The following CD302 variants were observed in gnomAD, a reference collection of about 807,000 sequenced individuals.
CD302 encodes the protein CD302 antigen.
In CD302, 23 loss-of-function variants were observed where a neutral mutation model predicts 26.5. The ratio of observed to expected loss-of-function variants is 0.87; its 90% CI spans 0.62 to 1.23. The LOEUF (loss-of-function observed/expected upper bound fraction) is 1.23, where lower values mean the gene tolerates loss of function less well. CD302 is among the 50% of genes most tolerant of loss of function. The pLI is 0.00. For missense variants in CD302, 290 were observed against 275.5 expected (o/e 1.05, Z -0.37); for synonymous variants, 90 against 99.4 (o/e 0.91, Z 0.56).
rs1469984053 is a variant in CD302, at chr2:159,770,309, TGTGTAACAGCTG to T, written c.*1530_*1541del. On this transcript the variant is annotated 3_prime_UTR_variant, in exon 6 of 6. Coordinates refer to ENST00000259053, the MANE Select transcript of CD302 (RefSeq NM_014880.5). ...AGCTCTTACAGAGCATGCTTGTGCTTGTGTAACAGCTGGTGTAATGCCTGCATTTTCAGTACC... is the reference window on the plus strand; with the variant it reads ...AGCTCTTACAGAGCATGCTTGTGCTTGTGTAATGCCTGCATTTTCAGTACC... 6.6e-6 allele frequency: 1 copy of T among 152,184 alleles called. No homozygotes were observed. Among genetic ancestry groups the T allele is most frequent in the African/African-American group, 2.4e-5 (1 of 41,454 alleles). The allele number at this position is 152,184 out of a possible 1,614,324, so 9.4% of individuals were successfully genotyped here. A position where few individuals can be genotyped will look rare whatever the true frequency, so the allele number is the denominator to read the frequency against.
Position 159,778,584 on chromosome 2 carries a change from G to A in CD302, c.470-620C>T, listed in dbSNP as rs1708409877. Among the ~76,000 whole-genome samples the A allele has an allele frequency of 1.3e-5, 2 of 152,232 alleles. 1 individual carries two copies. Among genetic ancestry groups the A allele is most frequent in the Non-Finnish European group, 2.9e-5 (2 of 68,042 alleles). ...GTAAAGAAAGGAAATAAAGCAGGAT[G>A]TGGAGTTTTGGTTTACAGTTGAAGT... On this transcript the variant is annotated intron_variant, in intron 4 of 5. Coordinates refer to ENST00000259053, the MANE Select transcript of CD302 (RefSeq NM_014880.5).
At chr2:159,779,189 C>CCACTG (rs1708428877) in intron 4 of CD302, among the ~76,000 whole-genome samples, 1 of 141,208 alleles carries the variant, frequency 7.1e-6, no homozygotes, top group Admixed American at 7.4e-5. Context: ...CAAGATCGCG[C>CCACTG]CACCGCACTC....
intron 1 of CD302, among the ~76,000 whole-genome samples, chr2:159,797,530 T>G (rs1023204395): frequency 3.3e-5 from 5 of 152,228 alleles, no homozygotes; most frequent in Admixed American, 6.5e-5. Context: ...AGACTAGAAC[T>G]TTAAAACTCC....
intron 4 of CD302, among the ~76,000 whole-genome samples, chr2:159,779,229 G>A (rs1193289592): frequency 4.4e-5 from 1 of 22,676 alleles, no homozygotes; most frequent in Non-Finnish European, 6.2e-5. Context: ...AGACTGCATC[G>A]CAAAAAAAAA....
In CD302 at chr2:159,786,332, CTTTT is replaced by C. The variant is rs56163054; in HGVS notation, c.68-2867_68-2864del. 6.0e-3 allele frequency among the ~76,000 whole-genome samples: 675 copies of C among 112,672 alleles called. 2 individuals are homozygous for C. The highest frequency in any genetic ancestry group is 0.016 in the African/African-American group (512 of 32,766). The allele number at this position is 112,672 out of a possible 152,430, so 73.9% of individuals were successfully genotyped here. A position where few individuals can be genotyped will look rare whatever the true frequency, so the allele number is the denominator to read the frequency against. On this transcript the variant is annotated intron_variant, in intron 1 of 5. Coordinates refer to ENST00000259053, the MANE Select transcript of CD302 (RefSeq NM_014880.5). Reference sequence around the variant, plus strand: ...CCTTCTTGAAGCATGTTGTCTTTTTCTTTTTTTTTTTTTTTTTTTGAGACAGAGT... The same window carrying C: ...CCTTCTTGAAGCATGTTGTCTTTTTCTTTTTTTTTTTTTTTGAGACAGAGT...
chr2:159,794,529 T>A (rs138065971), intron 1 of CD302, among the ~76,000 whole-genome samples: 294 of 4,176 alleles, frequency 0.07, no homozygotes, highest in African/African-American at 0.38. Flanking sequence ...TTAATTTATT[T>A]ATTTATTTAT....
chr2:159,787,328 C>A (rs192267651), intron 1 of CD302, among the ~76,000 whole-genome samples: 1 of 152,000 alleles, frequency 6.6e-6, no homozygotes, highest in Non-Finnish European at 1.5e-5. Flanking sequence ...AATGTAGTTA[C>A]GATGAATTGG....
At chr2:159,787,284 T>C (rs1486381376) in intron 1 of CD302, among the ~76,000 whole-genome samples, 1 of 152,188 alleles carries the variant, frequency 6.6e-6, no homozygotes, top group Non-Finnish European at 1.5e-5. Context: ...TTGATCACCT[T>C]TGTCTTTTAA....
rs1458502923 is a variant in CD302 at position 159,798,180 on chromosome 2, G to C, written c.19C>G (p.Pro7Ala). Residue 7 changes from proline (P) to alanine (A), a missense_variant, in exon 1 of 6, where the codon CCC (proline) becomes GCC (alanine). Pro to Ala is a conservative substitution (Grantham distance 27). Coordinates refer to ENST00000259053, the MANE Select transcript of CD302 (RefSeq NM_014880.5). Reference sequence around the variant, plus strand: ...CCCAGCAACGGCAGCAGGAGCGCGGGCAGCGCGGCCCGGAGCATGACGGCG... The same window carrying C: ...CCCAGCAACGGCAGCAGGAGCGCGGCCAGCGCGGCCCGGAGCATGACGGCG... MLRAAL[P>A]ALLLPLLGLA... 1 of 1,478,658 alleles carries C rather than the reference G, an allele frequency of 6.8e-7. No individual in the cohort carries two copies. Among genetic ancestry groups the C allele is most frequent in the Non-Finnish European group, 8.9e-7 (1 of 1,121,134 alleles). 91.6% of individuals were successfully genotyped at this position (1,478,658 alleles called of 1,614,324 possible).
chr2:159,777,861 G>A (rs1708384826), intron 5 of CD302, 77 bp downstream of exon 5: 1 of 710,330 alleles, frequency 1.4e-6, no homozygotes, highest in Non-Finnish European at 2.2e-6. Context: ...AAAGGGATCT[G>A]TAATGTATTT....
rs1411313593 is a variant in CD302 at position 159,771,909 on chromosome 2, T to C, written c.641A>G (p.Asn214Ser). The C allele has an allele frequency of 1.2e-6, 2 of 1,613,926 alleles. No individual in the cohort carries two copies. Among genetic ancestry groups the C allele is most frequent in the African/African-American group, 1.3e-5 (1 of 74,914 alleles). Residue 214 changes from asparagine (N) to serine (S), a missense_variant, in exon 6 of 6, where the codon AAT (asparagine) becomes AGT (serine). Physicochemically the swap from Asn to Ser is conservative, Grantham distance 46 (BLOSUM62 1). Coordinates refer to ENST00000259053, the MANE Select transcript of CD302 (RefSeq NM_014880.5). ...VFSTAPQSPY[N>S]EDCVLVVGEE... ...TCCAACTACCAAAACACAGTCTTCA[T>C]TATAAGGTGATTGGGGTGCGGTTGA...
chr2:159,775,511 T>G (rs1403263249), intron 5 of CD302, among the ~76,000 whole-genome samples: 1 of 152,220 alleles, frequency 6.6e-6, no homozygotes, highest in Admixed American at 6.5e-5. Flanking sequence ...AATACTGTGC[T>G]CCTGCTCCAC....
At chr2:159,787,321 G>T (rs6720304) in intron 1 of CD302, among the ~76,000 whole-genome samples, 2 of 152,020 alleles carry the variant, frequency 1.3e-5, no homozygotes, top group Admixed American at 1.3e-4. Flanking sequence ...AATACTTAAT[G>T]TAGTTACGAT....
chr2:159,789,324 A>G (rs1480530395), intron 1 of CD302, among the ~76,000 whole-genome samples: 3 of 152,072 alleles, frequency 2.0e-5, no homozygotes, highest in Non-Finnish European at 4.4e-5. Flanking sequence ...TCATGCTGTT[A>G]AACCCCATCT....
At chr2:159,784,872 C>A (rs1487460091) in intron 1 of CD302, among the ~76,000 whole-genome samples, 2 of 151,550 alleles carry the variant, frequency 1.3e-5, no homozygotes, top group Non-Finnish European at 2.9e-5. Context: ...GCTTCGCAGT[C>A]TTATAACTTC....
chr2:159,787,143 G>GT (rs375092046), intron 1 of CD302, among the ~76,000 whole-genome samples: 1 of 152,256 alleles, frequency 6.6e-6, no homozygotes, highest in Non-Finnish European at 1.5e-5. Flanking sequence ...CTTCTTGTGA[G>GT]TACCTTTGTA....
In CD302 at chr2:159,783,393, G is replaced by C. The variant is rs1313469187; in HGVS notation, c.144C>G (p.Ser48Arg). Reference sequence around the variant, plus strand: ...TACACTGATTTCTGACATCCTCTATGCTTTCTACTTTGATGGCTTCTTGGA... The same window carrying C: ...TACACTGATTTCTGACATCCTCTATCCTTTCTACTTTGATGGCTTCTTGGA... ...IFLQEAIKVE[S>R]IEDVRNQCTD... The change falls in exon 2 of 6, where the codon AGC (serine) becomes AGG (arginine). Residue 48 changes from serine to arginine, a missense_variant. By Grantham distance (110) the Ser-to-Arg change is moderately radical. Coordinates refer to ENST00000259053, the MANE Select transcript of CD302 (RefSeq NM_014880.5). 6.2e-7 allele frequency: 1 copy of C among 1,611,652 alleles called. No homozygotes were observed.
At chr2:159,779,493 A>G (rs1026583134) in intron 4 of CD302, among the ~76,000 whole-genome samples, 1 of 152,138 alleles carries the variant, frequency 6.6e-6, no homozygotes, top group Non-Finnish European at 1.5e-5. Context: ...TGGAAACACT[A>G]AGCAGACAGA....
intron 5 of CD302, among the ~76,000 whole-genome samples, chr2:159,772,987 G>T (rs1232284093): frequency 6.6e-6 from 1 of 152,076 alleles, no homozygotes; most frequent in East Asian, 1.9e-4. Flanking sequence ...ATTTGGTAAG[G>T]TGTGAGGGTG....
Sources: gnomAD v4.1 joint callset for allele counts (sites outside exome capture counted in the v4.1 genomes callset) on GRCh38, gnomAD v4.1.1 for gene constraint, MANE v1.5 for transcripts, NCBI Gene and HGNC (gene_info 2026-07-23, HGNC 2026-07-21) for gene names.